Variants in TCERG1L observed in about 807,000 individuals in gnomAD.
TCERG1L encodes the protein transcription elongation regulator 1 like.
In TCERG1L, 37 loss-of-function variants were observed where a neutral mutation model predicts 56.3. The observed-to-expected ratio is 0.66, with a 90% CI of 0.51 to 0.87. The LOEUF is 0.87. Among genes scored for constraint, TCERG1L ranks in the 40% least tolerant of loss-of-function variants. The pLI is 0.00. For missense variants in TCERG1L, 799 were observed against 774.2 expected, an observed-to-expected ratio of 1.03 and a Z score of -0.38; for synonymous variants, 324 against 326.3, an observed-to-expected ratio of 0.99 and a Z score of 0.08.
chr10:131,148,801 A>C (rs1160439618), intron 6 of TCERG1L, among the ~76,000 whole-genome samples: 1 of 152,018 alleles, frequency 6.6e-6, no homozygotes, highest in Non-Finnish European at 1.5e-5. Flanking sequence ...TCGCCCAGTG[A>C]GACCTGTGTC....
At chr10:131,102,186 G>A (rs1329892623) in intron 10 of TCERG1L, among the ~76,000 whole-genome samples, 1 of 152,168 alleles carries the variant, frequency 6.6e-6, no homozygotes, top group African/African-American at 2.4e-5. Flanking sequence ...TTTCTTTATA[G>A]AAAATGAAAC....
chr10:131,239,573 T>TCAGACG, intron 4 of TCERG1L, among the ~76,000 whole-genome samples: 1 of 152,342 alleles, frequency 6.6e-6, no homozygotes, highest in Admixed American at 6.5e-5. Context: ...GCAGGGACTC[T>TCAGACG]CAGACGCATC....
At chr10:131,140,380 G>A (rs970539098) in intron 7 of TCERG1L, among the ~76,000 whole-genome samples, 7 of 152,156 alleles carry the variant, frequency 4.6e-5, no homozygotes, top group Non-Finnish European at 8.8e-5. Flanking sequence ...CTCCTGCTCC[G>A]CATCCTGTCC....
intron 11 of TCERG1L, among the ~76,000 whole-genome samples, chr10:131,094,034 A>T (rs2133375327): frequency 6.6e-6 from 1 of 152,358 alleles, no homozygotes; most frequent in South Asian, 2.1e-4. Flanking sequence ...CCCGTAAGAA[A>T]ATGCGAGCGA....
chr10:131,197,760 A>G (rs183338429), intron 4 of TCERG1L, among the ~76,000 whole-genome samples: 333 of 152,348 alleles, frequency 2.2e-3, no homozygotes, highest in Admixed American at 4.5e-3. Flanking sequence ...ATACAAAAGC[A>G]AAATTAAATA....
intron 7 of TCERG1L, among the ~76,000 whole-genome samples, chr10:131,139,767 T>A (rs1253546527): frequency 6.6e-6 from 1 of 151,868 alleles, no homozygotes; most frequent in Non-Finnish European, 1.5e-5. Flanking sequence ...TGTTTCTGTA[T>A]GTATATGTGT....
At chr10:131,177,223 T>C (rs1845106587) in intron 4 of TCERG1L, among the ~76,000 whole-genome samples, 1 of 74,996 alleles carries the variant, frequency 1.3e-5, no homozygotes, top group African/African-American at 5.0e-5. Context: ...CACACATATA[T>C]GAAGACACAC....
At chr10:131,190,196 A>G (rs1178071568) in intron 4 of TCERG1L, among the ~76,000 whole-genome samples, 5 of 152,170 alleles carry the variant, frequency 3.3e-5, no homozygotes, top group South Asian at 2.1e-4. Context: ...AATTTCTGGA[A>G]ACATACAACC....
At chr10:131,134,558 A>G (rs1254177483) in intron 7 of TCERG1L, 110 bp from the exon 8 acceptor site, 2 of 788,014 alleles carry the variant, frequency 2.5e-6, no homozygotes, top group Non-Finnish European at 2.1e-6. Context: ...TTAAGACAAC[A>G]GGCTTCTCTT....
intron 8 of TCERG1L, among the ~76,000 whole-genome samples, chr10:131,133,702 C>T (rs1200295244): frequency 6.6e-6 from 1 of 152,184 alleles, no homozygotes; most frequent in Non-Finnish European, 1.5e-5. Context: ...ACAGGCAAGG[C>T]AGGGCAGACC....
chr10:131,283,110 G>A (rs1039462733), intron 3 of TCERG1L, among the ~76,000 whole-genome samples: 1 of 152,222 alleles, frequency 6.6e-6, no homozygotes. Context: ...TACAGAAGCT[G>A]AAGTGAGTCA....
intron 4 of TCERG1L, among the ~76,000 whole-genome samples, chr10:131,233,777 T>C (rs111419857): frequency 2.0e-5 from 3 of 152,188 alleles, no homozygotes; most frequent in Non-Finnish European, 4.4e-5. Context: ...CCAAAACGCA[T>C]GATGAAATCT....
intron 9 of TCERG1L, among the ~76,000 whole-genome samples, chr10:131,107,738 T>G (rs570692819): frequency 6.6e-6 from 1 of 152,002 alleles, no homozygotes; most frequent in East Asian, 1.9e-4. Context: ...TGTGTGACTA[T>G]ACACACACAC....
intron 3 of TCERG1L, among the ~76,000 whole-genome samples, chr10:131,278,344 T>C (rs1248846306): frequency 6.7e-6 from 1 of 148,200 alleles, no homozygotes; most frequent in South Asian, 2.1e-4. Context: ...TTTTCTTTTT[T>C]TTTTTTTTTT....
chr10:131,213,641 T>C (rs1453150150), intron 4 of TCERG1L, among the ~76,000 whole-genome samples: 1 of 152,158 alleles, frequency 6.6e-6, no homozygotes, highest in African/African-American at 2.4e-5. Flanking sequence ...AGCTACTTAA[T>C]TATGCAAGCT....
At chr10:131,257,560 G>A (rs532646541) in intron 4 of TCERG1L, among the ~76,000 whole-genome samples, 118 of 152,308 alleles carry the variant, frequency 7.7e-4, no homozygotes, top group Non-Finnish European at 1.6e-3. Flanking sequence ...TATCCAGACA[G>A]GTTTTCATGG....
At chr10:131,096,884 A>G (rs1053926496) in intron 11 of TCERG1L, among the ~76,000 whole-genome samples, 1 of 18,174 alleles carries the variant, frequency 5.5e-5, no homozygotes, top group African/African-American at 3.3e-4. Context: ...ACTCCATCTC[A>G]AAAAAAAAAA....
intron 3 of TCERG1L, among the ~76,000 whole-genome samples, chr10:131,265,890 A>T (rs1250743325): frequency 6.6e-6 from 1 of 152,232 alleles, no homozygotes; most frequent in African/African-American, 2.4e-5. Flanking sequence ...ACAAAAGAAG[A>T]CAACAGCAAC....
chr10:131,176,627 CAT>C (rs574697001), intron 4 of TCERG1L, among the ~76,000 whole-genome samples: 54 of 9,106 alleles, frequency 5.9e-3, no homozygotes, highest in Non-Finnish European at 8.1e-3. Context: ...CACACCATGA[CAT>C]GTGCACATAC....
Sources: gnomAD v4.1 joint callset for allele counts (sites outside exome capture counted in the v4.1 genomes callset) on GRCh38, gnomAD v4.1.1 for gene constraint, MANE v1.5 for transcripts, NCBI Gene and HGNC (gene_info 2026-07-23, HGNC 2026-07-21) for gene names.